Variants in ITGA9 observed in about 807,000 individuals in gnomAD.
ITGA9 encodes the protein integrin alpha-9.
In ITGA9, 56 loss-of-function variants were observed where a neutral mutation model predicts 127.8. The ratio of observed to expected loss-of-function variants is 0.44; its 90% CI spans 0.35 to 0.55. The LOEUF is 0.55. ITGA9 is among the 20% of genes least tolerant of loss of function. The pLI is 0.00. For synonymous variants in ITGA9, 508 were observed against 514.5 expected, an observed-to-expected ratio of 0.99 and a Z score of 0.17; for missense variants, 1,196 against 1,347.1, an observed-to-expected ratio of 0.89 and a Z score of 1.76.
chr3:37,642,922 C>T (rs1700346428), intron 16 of ITGA9, among the ~76,000 whole-genome samples: 1 of 152,214 alleles, frequency 6.6e-6, no homozygotes, highest in Admixed American at 6.5e-5. Context: ...GTAATAGTTT[C>T]CCGGCTGAGG....
At chr3:37,618,667 G>A (rs1190109158) in intron 15 of ITGA9, among the ~76,000 whole-genome samples, 1 of 152,190 alleles carries the variant, frequency 6.6e-6, no homozygotes, top group African/African-American at 2.4e-5. Context: ...GATGGTGGGC[G>A]CCCCTCCCCC....
At chr3:37,710,659 G>A (rs1387216123) in intron 18 of ITGA9, among the ~76,000 whole-genome samples, 1 of 152,140 alleles carries the variant, frequency 6.6e-6, no homozygotes, top group African/African-American at 2.4e-5. Context: ...GATCCTTTAG[G>A]AGCTGAAAGG....
At chr3:37,531,273 G>A (rs1699149563) in intron 13 of ITGA9, among the ~76,000 whole-genome samples, 1 of 152,166 alleles carries the variant, frequency 6.6e-6, no homozygotes, top group African/African-American at 2.4e-5. Flanking sequence ...TAGGCACACG[G>A]TGCTCTCCCA....
At chr3:37,796,179 C>T (rs1404668927) in intron 26 of ITGA9, among the ~76,000 whole-genome samples, 1 of 152,060 alleles carries the variant, frequency 6.6e-6, no homozygotes, top group Non-Finnish European at 1.5e-5. Context: ...ATGATCTTCC[C>T]TCCCTTGTTT....
intron 26 of ITGA9, among the ~76,000 whole-genome samples, chr3:37,791,226 G>A (rs949693704): frequency 3.9e-5 from 6 of 152,122 alleles, no homozygotes; most frequent in Admixed American, 6.5e-5. Context: ...TCAAACTCCC[G>A]TCTCAGTCTG....
rs76889740 is a variant in ITGA9, at chr3:37,492,971, C to T, written c.545-1530C>T. Among the ~76,000 whole-genome samples the T allele has an allele frequency of 1.2e-3, 183 of 152,332 alleles. 3 individuals are homozygous for T. In the South Asian group the frequency reaches 0.026, roughly 22 times the overall value. Reference sequence around the variant, plus strand: ...TTCATTGCTTTGCACTAGTCTCACTCGCAGCCCTGGTGCAAGATTCTGCAG... The same window carrying T: ...TTCATTGCTTTGCACTAGTCTCACTTGCAGCCCTGGTGCAAGATTCTGCAG... On this transcript the variant is annotated intron_variant, in intron 4 of 27. Coordinates refer to ENST00000264741, the MANE Select transcript of ITGA9 (RefSeq NM_002207.3).
At chr3:37,755,330 C>T (rs1459711997) in intron 23 of ITGA9, among the ~76,000 whole-genome samples, 1 of 152,148 alleles carries the variant, frequency 6.6e-6, no homozygotes, top group Non-Finnish European at 1.5e-5. Context: ...TCCCTAATCA[C>T]CAGAGGCAGG....
intron 18 of ITGA9, among the ~76,000 whole-genome samples, chr3:37,684,454 G>A (rs1700762487): frequency 6.6e-6 from 1 of 152,112 alleles, no homozygotes; most frequent in South Asian, 2.1e-4. Flanking sequence ...GAGGGTCACT[G>A]CTTTGGCCTG....
At chr3:37,809,269 A>G (rs1350360574) in intron 27 of ITGA9, among the ~76,000 whole-genome samples, 1 of 151,972 alleles carries the variant, frequency 6.6e-6, no homozygotes, top group Non-Finnish European at 1.5e-5. Context: ...TATTTTTTGT[A>G]GAGACGGGGT....
intron 2 of ITGA9, 95 bp downstream of exon 2, chr3:37,471,229 T>C (rs1318535607): frequency 7.2e-7 from 1 of 1,382,094 alleles, no homozygotes. Flanking sequence ...CACTCACCCA[T>C]CCATCCTTCC....
intron 18 of ITGA9, among the ~76,000 whole-genome samples, chr3:37,730,935 G>T (rs1282988288): frequency 6.6e-6 from 1 of 152,192 alleles, no homozygotes; most frequent in Non-Finnish European, 1.5e-5. Context: ...AACAGGATGG[G>T]CCAAAATGGA....
chr3:37,618,949 G>T (rs1301846054), intron 15 of ITGA9, among the ~76,000 whole-genome samples: 1 of 152,070 alleles, frequency 6.6e-6, no homozygotes, highest in East Asian at 1.9e-4. Flanking sequence ...GCTCACGCTT[G>T]GTGTGCTGCA....
chr3:37,460,074 C>T (rs530560856), intron 1 of ITGA9, among the ~76,000 whole-genome samples: 9 of 152,266 alleles, frequency 5.9e-5, no homozygotes, highest in Admixed American at 5.2e-4. Context: ...TTCCATGTAT[C>T]CCTCTAACCT....
chr3:37,629,458 C>A lies in ITGA9; in HGVS notation c.1839+122C>A. ...TCAGGAGACCGCAGCCAGGACACAC[C>A]TCCTCTCTGGGTCTCCCTTTTCTGA... is the stretch of plus-strand genomic sequence containing the variant. On this transcript the variant is annotated intron_variant, in intron 16 of 27. Coordinates refer to ENST00000264741, the MANE Select transcript of ITGA9 (RefSeq NM_002207.3). This position sits in a 1 kb window ranked among gnomAD's most constrained non-coding sequence, Gnocchi z 4.5. 9.9e-7 allele frequency: 1 copy of A among 1,014,934 alleles called. No individual in the cohort carries two copies. The highest frequency in any genetic ancestry group is 1.5e-6 in the Non-Finnish European group (1 of 663,538). 62.9% of individuals were successfully genotyped at this position (1,014,934 alleles called of 1,614,324 possible).
At chr3:37,708,380 G>A (rs1447753647) in intron 18 of ITGA9, among the ~76,000 whole-genome samples, 2 of 152,220 alleles carry the variant, frequency 1.3e-5, no homozygotes, top group Non-Finnish European at 2.9e-5. Flanking sequence ...CAAATTCAAG[G>A]TGGGGGAATA....
At chr3:37,666,781 G>A (rs1043649841) in intron 17 of ITGA9, among the ~76,000 whole-genome samples, 4 of 152,214 alleles carry the variant, frequency 2.6e-5, no homozygotes, top group Admixed American at 6.5e-5. Flanking sequence ...ATGGCAAAGG[G>A]TGTGATCCAG....
At chr3:37,803,426 C>T (rs34209118) in intron 26 of ITGA9, among the ~76,000 whole-genome samples, 3,619 of 152,306 alleles carry the variant, frequency 0.024, 63 homozygotes, top group Non-Finnish European at 0.038. Context: ...CTGGATACTT[C>T]TCTGTAGTTC....
At chr3:37,639,646 G>A (rs2125640516) in intron 16 of ITGA9, among the ~76,000 whole-genome samples, 1 of 152,314 alleles carries the variant, frequency 6.6e-6, no homozygotes, top group South Asian at 2.1e-4. Context: ...ATATTTTGCA[G>A]TTTGGGGAGA....
At chr3:37,615,658 T>G (rs1700066871) in intron 15 of ITGA9, among the ~76,000 whole-genome samples, 1 of 152,258 alleles carries the variant, frequency 6.6e-6, no homozygotes, top group South Asian at 2.1e-4. Flanking sequence ...GTTATTGGTC[T>G]ATTCAGAGAT....
Sources: gnomAD v4.1 joint callset for allele counts (sites outside exome capture counted in the v4.1 genomes callset) on GRCh38, gnomAD v4.1.1 for gene constraint, Gnocchi (gnomAD v3.1) non-coding constraint, MANE v1.5 for transcripts, NCBI Gene and HGNC (gene_info 2026-07-23, HGNC 2026-07-21) for gene names.